The following COX17 variants were observed in gnomAD, a reference collection of about 807,000 sequenced individuals.
The protein encoded by COX17 is cytochrome c oxidase copper chaperone COX17.
A neutral mutation model predicts 6.3 loss-of-function variants in COX17; 1 was observed. The observed-to-expected ratio is 0.16, with a 90% CI of 0.06 to 0.75. The LOEUF (loss-of-function observed/expected upper bound fraction) is 0.75. COX17 is among the 30% of genes least tolerant of loss of function. The pLI is 0.77. For missense variants in COX17, 73 were observed against 81.2 expected, an observed-to-expected ratio of 0.90 and a Z score of 0.39; for synonymous variants, 26 against 30.5, an observed-to-expected ratio of 0.85 and a Z score of 0.49.
At chr3:119,676,306 CAAAGTACTGAGGATTAATA>C (rs2053098656) in intron 1 of COX17, among the ~76,000 whole-genome samples, 1 of 152,178 alleles carries the variant, frequency 6.6e-6, no homozygotes, top group South Asian at 2.1e-4. Flanking sequence ...GTATTATTTA[CAAAGTACTGAGGATTAATA>C]AAAGCACTGA....
downstream of COX17, among the ~76,000 whole-genome samples, chr3:119,666,391 TATG>T (rs2052993047): frequency 6.6e-6 from 1 of 152,212 alleles, no homozygotes; most frequent in Non-Finnish European, 1.5e-5. Context: ...TCAGTGACCC[TATG>T]ATATCATCAC....
intron 2 of COX17, among the ~76,000 whole-genome samples, chr3:119,672,459 C>CTT (rs1469214446): frequency 6.6e-6 from 1 of 151,874 alleles, no homozygotes; most frequent in Non-Finnish European, 1.5e-5. Context: ...ATTAGCATTT[C>CTT]TTTTTATTTA....
intron 3 of COX17, among the ~76,000 whole-genome samples, chr3:119,663,982 A>G (rs915312441): frequency 6.6e-6 from 1 of 152,234 alleles, no homozygotes; most frequent in African/African-American, 2.4e-5. Context: ...AAGTTTTCTC[A>G]TTTGTTGAGC....
intron 3 of COX17, among the ~76,000 whole-genome samples, chr3:119,664,508 G>T (rs534586115): frequency 7.9e-5 from 12 of 152,202 alleles, no homozygotes; most frequent in Non-Finnish European, 1.5e-4. Context: ...AACAAAATAC[G>T]TGGCATATTC....
intron 1 of COX17, chr3:119,675,551 A>C: frequency 4.8e-6 from 1 of 209,754 alleles, no homozygotes. Flanking sequence ...TATTTATGCT[A>C]AATGAAGGGC....
At chr3:119,675,667 AAACATC>A in intron 1 of COX17, 1 of 154,646 alleles carries the variant, frequency 6.5e-6, no homozygotes, top group African/African-American at 2.4e-5. Flanking sequence ...ATTACATCAA[AAACATC>A]TGGTAGCCAG....
chr3:119,668,398 T>G (rs962171527), downstream of COX17, among the ~76,000 whole-genome samples: 2 of 152,168 alleles, frequency 1.3e-5, no homozygotes, highest in African/African-American at 4.8e-5. Context: ...ATGAAGTGCT[T>G]ACTAAAAGTA....
chr3:119,674,138 C>T (rs947899316), intron 2 of COX17, among the ~76,000 whole-genome samples: 4 of 151,896 alleles, frequency 2.6e-5, no homozygotes, highest in African/African-American at 9.7e-5. Context: ...TGCCTGGCCG[C>T]CCCACCGTCT....
chr3:119,671,372 G>A (rs6794484), intron 2 of COX17, among the ~76,000 whole-genome samples: 52,319 of 152,114 alleles, frequency 0.34, 9,461 homozygotes, highest in Middle Eastern at 0.45. Context: ...TGCACTTGAG[G>A]TACAATTAAG....
chr3:119,669,780 G>C (rs773057239), intron 2 of COX17, 115 bp from the exon 3 acceptor site: 2 of 152,104 alleles, frequency 1.3e-5, no homozygotes, highest in Non-Finnish European at 2.9e-5. Context: ...TTAACTAATT[G>C]CCAGAATTAT....
chr3:119,673,368 G>T (rs2053064091), intron 2 of COX17, among the ~76,000 whole-genome samples: 1 of 152,170 alleles, frequency 6.6e-6, no homozygotes, highest in Non-Finnish European at 1.5e-5. Context: ...TAGCTGCCGT[G>T]AAGCAACACA....
intron 2 of COX17, chr3:119,674,432 A>C (rs556139703): frequency 6.6e-6 from 1 of 152,352 alleles, no homozygotes; most frequent in Non-Finnish European, 1.5e-5. Context: ...TATTCGAATA[A>C]AGCATGCTAC....
At chr3:119,665,977 TA>T (rs1482171714), downstream of COX17, among the ~76,000 whole-genome samples, 1 of 152,260 alleles carries the variant, frequency 6.6e-6, no homozygotes, top group Non-Finnish European at 1.5e-5. Context: ...AATTCCTCCA[TA>T]AACTCAATTT....
chr3:119,676,250 G>C (rs943113340), intron 1 of COX17, among the ~76,000 whole-genome samples: 1 of 152,170 alleles, frequency 6.6e-6, no homozygotes, highest in African/African-American at 2.4e-5. Context: ...AGCACTTACT[G>C]TTACCACTGG....
At chr3:119,667,046 T>C (rs181216020), downstream of COX17, 1 of 152,264 alleles carries the variant, frequency 6.6e-6, no homozygotes, top group African/African-American at 2.4e-5. Context: ...ATGAAAGACA[T>C]AGTATTCCCA....
At chr3:119,668,155 T>G (rs972076570), downstream of COX17, among the ~76,000 whole-genome samples, 5 of 152,178 alleles carry the variant, frequency 3.3e-5, no homozygotes, top group Admixed American at 2.0e-4. Flanking sequence ...AAATTTTATT[T>G]TGTTTTAAAA....
chr3:119,670,664 A>C (rs1276471823), intron 2 of COX17, among the ~76,000 whole-genome samples: 1 of 152,134 alleles, frequency 6.6e-6, no homozygotes, highest in Non-Finnish European at 1.5e-5. Flanking sequence ...CCAGGGTCTT[A>C]ATAAATATCT....
At chr3:119,669,015 A>T (rs1469013405), downstream of COX17, among the ~76,000 whole-genome samples, 1 of 152,092 alleles carries the variant, frequency 6.6e-6, no homozygotes, top group Non-Finnish European at 1.5e-5. Flanking sequence ...ATTAGTTTCT[A>T]ATTAATAAGA....
chr3:119,669,283 T>TG (rs2053020966), downstream of COX17: 1 of 151,080 alleles, frequency 6.6e-6, no homozygotes, highest in Non-Finnish European at 1.5e-5. Context: ...TTGAATGAGA[T>TG]GATATGGCTA....
Sources: allele counts gnomAD v4.1 joint callset (sites outside exome capture counted in the v4.1 genomes callset), GRCh38; gene constraint gnomAD v4.1.1; transcripts MANE v1.5; gene names NCBI Gene and HGNC (gene_info 2026-07-23, HGNC 2026-07-21).